ADAM19: variants seen among roughly 807,000 people sequenced by gnomAD.
ADAM19 encodes disintegrin and metalloproteinase domain-containing protein 19.
Under a neutral mutation model 114.7 loss-of-function variants are expected in ADAM19, and 65 were observed. That is an observed-to-expected ratio of 0.57 (90% CI 0.46 to 0.70). The LOEUF is 0.70. Among genes scored for constraint, ADAM19 ranks in the 30% least tolerant of loss-of-function variants. ADAM19 has a pLI of 0.00. For synonymous variants in ADAM19, 466 were observed against 460.5 expected (o/e 1.01, Z -0.15); for missense variants, 1,063 against 1,204.7 (o/e 0.88, Z 1.74).
chr5:157,500,413 T>G (rs1755523653), intron 12 of ADAM19, among the ~76,000 whole-genome samples: 1 of 152,228 alleles, frequency 6.6e-6, no homozygotes, highest in Admixed American at 6.5e-5. Flanking sequence ...TTTTTTTACT[T>G]AATATAACAT....
chr5:157,551,174 G>A lies in ADAM19; in HGVS notation c.252-13183C>T, dbSNP rs559228487. Among the ~76,000 whole-genome samples, 191 of 152,042 alleles carry A rather than the reference G, an allele frequency of 1.3e-3. 1 individual carries two copies. Among genetic ancestry groups the A allele is most frequent in the Non-Finnish European group, 6.0e-4 (41 of 67,948 alleles). ...AATCCCAGCACTTTGGGAAGCCGAGGCAGGCGAATCACCTGAGGTCAGGAG... is the reference window on the plus strand; with the variant it reads ...AATCCCAGCACTTTGGGAAGCCGAGACAGGCGAATCACCTGAGGTCAGGAG... On this transcript the variant is annotated intron_variant, in intron 3 of 22. Transcript: ENST00000257527.
rs1341672045 is a variant in ADAM19, at chr5:157,504,557, A to G, written c.1130+1112T>C. Among the ~76,000 whole-genome samples, 5 of 152,106 alleles carry G rather than the reference A, an allele frequency of 3.3e-5. No homozygotes were observed. The East Asian group carries it at 5.8e-4, about 18-fold the overall frequency. ...TGAGCCACCGCACCCAGCCAACATC[A>G]TCCTTTCCATGTCACAGCTGAGAAA... On this transcript the variant is annotated intron_variant, in intron 11 of 22. Coordinates refer to ENST00000257527, the MANE Select transcript of ADAM19 (RefSeq NM_033274.5).
Position 157,553,030 on chromosome 5 carries a change from A to G in ADAM19, c.251+11343T>C, listed in dbSNP as rs977141714. On this transcript the variant is annotated intron_variant, in intron 3 of 22. Transcript: ENST00000257527. The stretch of plus-strand genomic sequence containing the variant: ...GGGCAGAAAGAGTAGAAGGATGGTT[A>G]CCAGAGGCTGGGAAGGGTGTAGTGG... Among the ~76,000 whole-genome samples the G allele has an allele frequency of 7.2e-5, 11 of 152,314 alleles. 1 individual carries two copies. The highest frequency in any genetic ancestry group is 6.5e-4 in the Admixed American group (10 of 15,304).
intron 7 of ADAM19, among the ~76,000 whole-genome samples, chr5:157,516,053 C>T (rs1420989865): frequency 1.3e-5 from 2 of 152,162 alleles, no homozygotes; most frequent in African/African-American, 4.8e-5. Context: ...GGTTATAAAT[C>T]ATGGTAAAGC....
chr5:157,523,432 TGAATG>T (rs1402535426), intron 5 of ADAM19, among the ~76,000 whole-genome samples: 1 of 152,210 alleles, frequency 6.6e-6, no homozygotes, highest in African/African-American at 2.4e-5. Context: ...GGATCCCTCA[TGAATG>T]GCTTGGTGCA....
chr5:157,506,138 C>T (rs1755734492), intron 10 of ADAM19, among the ~76,000 whole-genome samples: 2 of 152,064 alleles, frequency 1.3e-5, no homozygotes, highest in Non-Finnish European at 2.9e-5. Flanking sequence ...TATATTTCTC[C>T]AGACATAAGG....
intron 3 of ADAM19, 68 bp downstream of exon 3, chr5:157,564,305 G>T (rs561917413): frequency 3.3e-5 from 48 of 1,454,218 alleles, no homozygotes; most frequent in Non-Finnish European, 4.4e-5. Flanking sequence ...CCAGAACAGC[G>T]ACACCTGCGT....
intron 1 of ADAM19, 91 bp downstream of exon 1, chr5:157,575,512 A>G: frequency 1.1e-6 from 1 of 944,208 alleles, no homozygotes. Flanking sequence ...CGGGAGGCGC[A>G]GGGGTCGCGG....
intron 3 of ADAM19, among the ~76,000 whole-genome samples, chr5:157,545,529 C>T (rs1757025447): frequency 6.6e-6 from 1 of 152,072 alleles, no homozygotes; most frequent in Non-Finnish European, 1.5e-5. Flanking sequence ...ATGCGTTGCC[C>T]CATATCCTTT....
intron 5 of ADAM19, among the ~76,000 whole-genome samples, chr5:157,520,783 CA>C (rs1756262767): frequency 6.6e-6 from 1 of 152,192 alleles, no homozygotes; most frequent in African/African-American, 2.4e-5. Context: ...AAGTGACATC[CA>C]CCACCAAGCA....
intron 2 of ADAM19, among the ~76,000 whole-genome samples, chr5:157,567,371 G>T (rs1757692702): frequency 6.6e-6 from 1 of 152,224 alleles, no homozygotes; most frequent in African/African-American, 2.4e-5. Flanking sequence ...TTCTCTGTTT[G>T]TCATGCCCTG....
At chr5:157,482,628 C>T (rs1402722157) in intron 21 of ADAM19, among the ~76,000 whole-genome samples, 1 of 152,170 alleles carries the variant, frequency 6.6e-6, no homozygotes, top group Non-Finnish European at 1.5e-5. Context: ...TATGGCTAGA[C>T]AGTTTTCCCA....
At chr5:157,509,522 G>C in intron 8 of ADAM19, 55 bp from the exon 9 acceptor site, 1 of 1,316,376 alleles carries the variant, frequency 7.6e-7, no homozygotes, top group South Asian at 2.0e-5. Flanking sequence ...GGATTTAAAA[G>C]CCCCTTCCTT....
Position 157,480,701 on chromosome 5 carries a change from C to T in ADAM19, c.*248G>A, listed in dbSNP as rs943893933. The T allele has an allele frequency of 2.5e-5, 33 of 1,321,022 alleles. No individual in the cohort carries two copies. Among genetic ancestry groups the T allele is most frequent in the Non-Finnish European group, 3.0e-5 (31 of 1,033,122 alleles). 81.8% of individuals were successfully genotyped at this position (1,321,022 alleles called of 1,614,324 possible). ...CCAGTCACCCTCCTCATACTCTCCC[C>T]TCCCTACCTGGGGCTGTATATTGCA... is the stretch of plus-strand genomic sequence containing the variant. On this transcript the variant is annotated 3_prime_UTR_variant, in exon 23 of 23. Transcript: ENST00000257527.
intron 11 of ADAM19, among the ~76,000 whole-genome samples, chr5:157,503,662 G>A (rs1472096671): frequency 2.6e-5 from 4 of 152,166 alleles, no homozygotes; most frequent in Non-Finnish European, 5.9e-5. Context: ...GTTACAAGAG[G>A]TCTCCTGAGA....
intron 4 of ADAM19, among the ~76,000 whole-genome samples, chr5:157,531,523 C>T (rs991229149): frequency 1.3e-5 from 2 of 151,940 alleles, no homozygotes; most frequent in Admixed American, 6.6e-5. Flanking sequence ...AAAAATCAGC[C>T]GGATGTGGTG....
At chr5:157,484,241 ATAATT>A (rs547754331) in intron 21 of ADAM19, among the ~76,000 whole-genome samples, 1 of 152,204 alleles carries the variant, frequency 6.6e-6, no homozygotes, top group East Asian at 1.9e-4. Flanking sequence ...TACAACATAT[ATAATT>A]TATTTACTTA....
chr5:157,507,072 GACTGGT>G lies in ADAM19; in HGVS notation c.968_973del (p.Tyr323_Gln324del). ...GAGACTCACCATGTTGACTCCTCCA[GACTGGT>G]ACACAGAGCACATGGCCATGAGGGG... On this transcript the variant is annotated inframe_deletion, in exon 10 of 23. Coordinates refer to ENST00000257527, the MANE Select transcript of ADAM19 (RefSeq NM_033274.5). The G allele has an allele frequency of 6.2e-7, 1 of 1,614,114 alleles. No individual in the cohort carries two copies. Among genetic ancestry groups the G allele is most frequent in the Non-Finnish European group, 8.5e-7 (1 of 1,179,988 alleles).
At chr5:157,513,835 G>A (rs1561538486) in intron 7 of ADAM19, among the ~76,000 whole-genome samples, 3 of 152,306 alleles carry the variant, frequency 2.0e-5, no homozygotes, top group South Asian at 4.1e-4. Flanking sequence ...AACTCCCACT[G>A]GGGCTTAGGA....
Sources: gnomAD v4.1 joint callset for allele counts (sites outside exome capture counted in the v4.1 genomes callset) on GRCh38, gnomAD v4.1.1 for gene constraint, MANE v1.5 for transcripts, NCBI Gene and HGNC (gene_info 2026-07-23, HGNC 2026-07-21) for gene names.